Variants in GALNT12 observed in about 807,000 individuals in gnomAD.
GALNT12 encodes the protein UDP-GalNAc:polypeptide N-acetylgalactosaminyltransferase 12.
GALNT12 carries 45 observed loss-of-function variants against 55.5 expected under a neutral mutation model. The observed-to-expected ratio is 0.81, with a 90% confidence interval of 0.64 to 1.04. GALNT12 has a LOEUF of 1.04. Among genes scored for constraint, GALNT12 ranks in the 50% least tolerant of loss-of-function variants. The pLI, the probability that GALNT12 is intolerant of heterozygous loss-of-function variation, is 0.00. For synonymous variants in GALNT12, 304 were observed against 312.2 expected (o/e 0.97, Z 0.28); for missense variants, 709 against 754.8 (o/e 0.94, Z 0.71).
chr9:98,841,663 C>G (rs893849038), intron 7 of GALNT12, among the ~76,000 whole-genome samples: 1 of 151,760 alleles, frequency 6.6e-6, no homozygotes, highest in East Asian at 1.9e-4. Flanking sequence ...AGAAAAGGCA[C>G]GACAAATTCT....
At chr9:98,809,269 T>G (rs1266837251) in intron 1 of GALNT12, among the ~76,000 whole-genome samples, 1 of 152,246 alleles carries the variant, frequency 6.6e-6, no homozygotes, top group Non-Finnish European at 1.5e-5. Flanking sequence ...GGGGATCTCC[T>G]CATGCCTAGC....
At chr9:98,828,462 T>C (rs556089260) in intron 3 of GALNT12, among the ~76,000 whole-genome samples, 1 of 152,068 alleles carries the variant, frequency 6.6e-6, no homozygotes, top group Non-Finnish European at 1.5e-5. Flanking sequence ...ACTGCACTCA[T>C]AGATGGCCAC....
chr9:98,826,025 A>G (rs1379654808), intron 2 of GALNT12, among the ~76,000 whole-genome samples: 26 of 152,022 alleles, frequency 1.7e-4, no homozygotes, highest in Admixed American at 1.7e-3. Context: ...ATTTATTTAT[A>G]GACAGGCTCT....
intron 5 of GALNT12, 78 bp from the exon 6 acceptor site, chr9:98,836,894 G>C: frequency 1.3e-6 from 2 of 1,495,644 alleles, no homozygotes; most frequent in Non-Finnish European, 1.9e-6. Flanking sequence ...CGTGTGCCTG[G>C]CCTCTTTGCT....
At chr9:98,820,168 T>A (rs1053772429) in intron 1 of GALNT12, among the ~76,000 whole-genome samples, 1 of 151,998 alleles carries the variant, frequency 6.6e-6, no homozygotes, top group Non-Finnish European at 1.5e-5. Flanking sequence ...TGTGCCATGG[T>A]TGTTTGTTGT....
intron 4 of GALNT12, among the ~76,000 whole-genome samples, chr9:98,833,746 A>G (rs1836062099): frequency 6.6e-6 from 1 of 152,092 alleles, no homozygotes; most frequent in African/African-American, 2.4e-5. Flanking sequence ...CTCACTGAAT[A>G]GGTTTGGAAA....
chr9:98,807,746 C>A lies in GALNT12; in HGVS notation c.48C>A (p.Arg16=). ...GGCGCTGCCCGCGGGAACTGCGGCGCGGCCGGGAGGCGCTGTTGGTGCTCC... is the reference window on the plus strand; with the variant it reads ...GGCGCTGCCCGCGGGAACTGCGGCGAGGCCGGGAGGCGCTGTTGGTGCTCC... The part of the protein sequence containing the change: ...ARRRCPRELR[R]GREALLVLLA... Residue 16 remains arginine, a synonymous_variant, in exon 1 of 10, where the codon CGC becomes CGA. Transcript: ENST00000375011. 1 of 1,187,504 alleles carries A rather than the reference C, an allele frequency of 8.4e-7. No individual in the cohort carries two copies. 73.6% of individuals were successfully genotyped at this position (1,187,504 alleles called of 1,614,324 possible).
intron 1 of GALNT12, among the ~76,000 whole-genome samples, chr9:98,810,892 T>C (rs1023040438): frequency 2.0e-5 from 3 of 152,090 alleles, no homozygotes; most frequent in Admixed American, 6.6e-5. Context: ...TAATATATAT[T>C]AATATAAATA....
At chr9:98,835,824 C>T (rs1263425521) in intron 5 of GALNT12, among the ~76,000 whole-genome samples, 1 of 152,192 alleles carries the variant, frequency 6.6e-6, no homozygotes, top group Admixed American at 6.5e-5. Flanking sequence ...CAACCTCCGC[C>T]TCCTGTGTTG....
chr9:98,818,989 A>C (rs1009444559), intron 1 of GALNT12, among the ~76,000 whole-genome samples: 2 of 152,086 alleles, frequency 1.3e-5, no homozygotes, highest in Non-Finnish European at 2.9e-5. Context: ...ACGTGGCTGG[A>C]AAGATTGTAC....
At chr9:98,808,435 G>T (rs1835425416) in intron 1 of GALNT12, among the ~76,000 whole-genome samples, 1 of 152,156 alleles carries the variant, frequency 6.6e-6, no homozygotes, top group African/African-American at 2.4e-5. Flanking sequence ...GTGCCTCCGC[G>T]AAACTGACAA....
intron 1 of GALNT12, among the ~76,000 whole-genome samples, chr9:98,818,430 G>C (rs1835665145): frequency 6.6e-6 from 1 of 152,086 alleles, no homozygotes; most frequent in Non-Finnish European, 1.5e-5. Context: ...TCGCCACGTT[G>C]GTCAGGCTTG....
intron 4 of GALNT12, among the ~76,000 whole-genome samples, chr9:98,834,794 T>G (rs1052477026): frequency 3.6e-4 from 55 of 152,340 alleles, no homozygotes; most frequent in African/African-American, 1.3e-3. Context: ...GGTCTCTTGC[T>G]TCTCTCTTCT....
chr9:98,835,540 G>C (rs1322880734), intron 5 of GALNT12, among the ~76,000 whole-genome samples, 174 bp downstream of exon 5: 2 of 152,062 alleles, frequency 1.3e-5, no homozygotes, highest in East Asian at 3.9e-4. Flanking sequence ...CTAGATTTGG[G>C]GCCAGCAAGG....
chr9:98,813,224 A>G (rs1371782493), intron 1 of GALNT12, among the ~76,000 whole-genome samples: 1 of 152,210 alleles, frequency 6.6e-6, no homozygotes, highest in Non-Finnish European at 1.5e-5. Flanking sequence ...TTTGCTGGGT[A>G]TATAATTCTA....
chr9:98,808,687 C>T (rs1835430648), intron 1 of GALNT12, among the ~76,000 whole-genome samples: 1 of 152,254 alleles, frequency 6.6e-6, no homozygotes, highest in East Asian at 1.9e-4. Flanking sequence ...CAGCTCACTC[C>T]TGTGGGTGGT....
chr9:98,836,155 G>A (rs1836139524), intron 5 of GALNT12, among the ~76,000 whole-genome samples: 1 of 152,138 alleles, frequency 6.6e-6, no homozygotes, highest in South Asian at 2.1e-4. Context: ...TTTGTAACAA[G>A]CCTTCCTACT....
Position 98,835,335 on chromosome 9 carries a change from G to A in GALNT12, c.1004G>A (p.Trp335Ter). The stretch of plus-strand genomic sequence containing the variant: ...TCTTATGATACAGGAATGGAAGTTT[G>A]GGGAGGAGAAAACCTCGAATTTTCC... ...LGSYDTGMEV[W>*]GGENLEFSFR... The change falls in exon 5 of 10, where the codon TGG (tryptophan) becomes TAG (stop). Residue 335 changes from tryptophan (W) to a stop codon, truncating the protein, a stop_gained. Transcript: ENST00000375011. LOFTEE classifies it high-confidence loss of function. 6.2e-7 allele frequency: 1 copy of A among 1,613,078 alleles called. No individual in the cohort carries two copies. The highest frequency in any genetic ancestry group is 8.5e-7 in the Non-Finnish European group (1 of 1,179,014).
intron 2 of GALNT12, 106 bp from the exon 3 acceptor site, chr9:98,826,646 T>G: frequency 9.0e-7 from 1 of 1,113,564 alleles, no homozygotes; most frequent in Non-Finnish European, 1.3e-6. Flanking sequence ...CTCCTGTCTA[T>G]TTCATCTTCT....
Sources: allele counts gnomAD v4.1 joint callset (sites outside exome capture counted in the v4.1 genomes callset), GRCh38; gene constraint gnomAD v4.1.1; transcripts MANE v1.5; gene names NCBI Gene and HGNC (gene_info 2026-07-23, HGNC 2026-07-21).